The following POU6F2 variants were observed in gnomAD, a reference collection of about 807,000 sequenced individuals.
The protein encoded by POU6F2 is POU domain, class 6, transcription factor 2.
A neutral mutation model predicts 71.3 loss-of-function variants in POU6F2; 31 were observed. That is an observed-to-expected ratio of 0.43 (90% CI 0.33 to 0.59). The LOEUF (loss-of-function observed/expected upper bound fraction) is 0.59, where lower values mean the gene tolerates loss of function less well. Among genes scored for constraint, POU6F2 ranks in the 20% least tolerant of loss-of-function variants. POU6F2 has a pLI of 0.04. For missense variants in POU6F2, 783 were observed against 856.8 expected (o/e 0.91, Z 1.07); for synonymous variants, 347 against 355.7 (o/e 0.98, Z 0.27).
intron 5 of POU6F2, among the ~76,000 whole-genome samples, chr7:39,405,823 AG>A: frequency 6.6e-6 from 1 of 152,172 alleles, no homozygotes; most frequent in East Asian, 1.9e-4. Context: ...CCTCCCCGGC[AG>A]GTCTCTCTCC....
At chr7:39,050,155 C>A (rs1033766433) in intron 1 of POU6F2, among the ~76,000 whole-genome samples, 2 of 151,858 alleles carry the variant, frequency 1.3e-5, no homozygotes, top group Non-Finnish European at 2.9e-5. Context: ...AGTGTGTGGA[C>A]ACTACTCTCT....
chr7:39,429,614 G>T (rs1392622150), intron 6 of POU6F2, among the ~76,000 whole-genome samples: 2 of 152,126 alleles, frequency 1.3e-5, no homozygotes, highest in Non-Finnish European at 2.9e-5. Context: ...GGAATCCTCG[G>T]CATTTCAGGA....
At chr7:39,430,719 G>A (rs1444453281) in intron 6 of POU6F2, among the ~76,000 whole-genome samples, 1 of 152,072 alleles carries the variant, frequency 6.6e-6, no homozygotes, top group Non-Finnish European at 1.5e-5. Flanking sequence ...CATTCTCTCA[G>A]GCTACTTGCT....
intron 5 of POU6F2, among the ~76,000 whole-genome samples, chr7:39,342,413 T>C (rs181211414): frequency 3.9e-4 from 59 of 152,376 alleles, no homozygotes; most frequent in Admixed American, 1.6e-3. Context: ...TAAAGTGTTT[T>C]TGTTTGAAGA....
At chr7:39,055,441 C>T (rs1211881230) in intron 1 of POU6F2, among the ~76,000 whole-genome samples, 1 of 152,046 alleles carries the variant, frequency 6.6e-6, no homozygotes, top group Non-Finnish European at 1.5e-5. Context: ...TCCTGTTTGC[C>T]TGAATACTAA....
At chr7:39,101,874 C>T (rs1304760059) in intron 2 of POU6F2, among the ~76,000 whole-genome samples, 3 of 152,020 alleles carry the variant, frequency 2.0e-5, no homozygotes, top group African/African-American at 7.2e-5. Context: ...AAATTTAAAA[C>T]AAAATTGTAG....
At chr7:39,211,773 C>T (rs1429480321) in intron 4 of POU6F2, among the ~76,000 whole-genome samples, 1 of 152,168 alleles carries the variant, frequency 6.6e-6, no homozygotes, top group Non-Finnish European at 1.5e-5. Flanking sequence ...CTGTATCATC[C>T]TCTCCTCTGC....
intron 4 of POU6F2, among the ~76,000 whole-genome samples, chr7:39,222,877 T>C (rs1009544123): frequency 6.6e-6 from 1 of 152,198 alleles, no homozygotes; most frequent in African/African-American, 2.4e-5. Flanking sequence ...TATCTATTTG[T>C]ATCAGCTTTC....
At chr7:39,367,983 A>G (rs940289936) in intron 5 of POU6F2, among the ~76,000 whole-genome samples, 1 of 152,118 alleles carries the variant, frequency 6.6e-6, no homozygotes, top group African/African-American at 2.4e-5. Context: ...CCAGTGAACC[A>G]TTTCCCTGTC....
intron 4 of POU6F2, among the ~76,000 whole-genome samples, chr7:39,282,989 T>A (rs181952092): frequency 1.3e-5 from 2 of 152,252 alleles, no homozygotes; most frequent in African/African-American, 4.8e-5. Flanking sequence ...ATTGTAGAGA[T>A]CTTTCAACTC....
intron 1 of POU6F2, chr7:39,083,467 G>A (rs901501252): frequency 5.3e-5 from 8 of 152,068 alleles, no homozygotes; most frequent in Admixed American, 2.0e-4. Flanking sequence ...GGAATGCCAC[G>A]AGGTCAACCA....
At chr7:39,418,999 A>G (rs1473632456) in intron 6 of POU6F2, among the ~76,000 whole-genome samples, 1 of 139,920 alleles carries the variant, frequency 7.1e-6, no homozygotes, top group African/African-American at 2.8e-5. Context: ...ATATATGTGT[A>G]TATATGTGTA....
At chr7:39,369,956 A>G (rs958824016) in intron 5 of POU6F2, among the ~76,000 whole-genome samples, 1 of 152,064 alleles carries the variant, frequency 6.6e-6, no homozygotes, top group Non-Finnish European at 1.5e-5. Flanking sequence ...AGCATCCCAA[A>G]GTACTGCCAC....
intron 5 of POU6F2, among the ~76,000 whole-genome samples, chr7:39,405,585 C>T (rs1467454504): frequency 3.3e-5 from 5 of 152,112 alleles, no homozygotes; most frequent in African/African-American, 1.2e-4. Context: ...AAAAATAACA[C>T]CCTAGAATAA....
chr7:39,464,156 T>C lies in POU6F2; in HGVS notation c.1659-26T>C. The C allele has an allele frequency of 6.2e-7, 1 of 1,607,926 alleles. No homozygotes were observed. Among genetic ancestry groups the C allele is most frequent in the Non-Finnish European group, 8.5e-7 (1 of 1,176,512 alleles). On this transcript the variant is annotated intron_variant, in intron 9 of 9. Transcript: ENST00000518318. The surrounding 1 kb of genome is among the most constrained non-coding windows in gnomAD (Gnocchi z 4.1). ...CCTGGCAGAGGACTCAGTGTAAGAC[T>C]GTTCTTTCTCAATTTTCCCCCCCAG...
chr7:39,277,244 A>T (rs114791710), intron 4 of POU6F2, among the ~76,000 whole-genome samples: 4,164 of 152,274 alleles, frequency 0.027, 87 homozygotes, highest in Middle Eastern at 0.061. Context: ...ACACATTTTT[A>T]AATTTAAATT....
At chr7:39,358,694 A>G (rs1786313145) in intron 5 of POU6F2, among the ~76,000 whole-genome samples, 1 of 152,210 alleles carries the variant, frequency 6.6e-6, no homozygotes. Context: ...GGGGTTTTTA[A>G]CAGAAAGATT....
chr7:39,250,057 G>A (rs545119944), intron 4 of POU6F2, among the ~76,000 whole-genome samples: 4 of 152,262 alleles, frequency 2.6e-5, no homozygotes, highest in African/African-American at 7.2e-5. Context: ...AGAGAGGGCC[G>A]CATCAGCAGT....
At chr7:39,155,918 A>G (rs571805200) in intron 2 of POU6F2, among the ~76,000 whole-genome samples, 4 of 152,294 alleles carry the variant, frequency 2.6e-5, no homozygotes, top group East Asian at 3.9e-4. Flanking sequence ...AATAGTACCT[A>G]TTGTTGAAGC....
Sources: allele counts gnomAD v4.1 joint callset (sites outside exome capture counted in the v4.1 genomes callset), GRCh38; gene constraint gnomAD v4.1.1; non-coding constraint Gnocchi (gnomAD v3.1); transcripts MANE v1.5; gene names NCBI Gene and HGNC (gene_info 2026-07-23, HGNC 2026-07-21).